The following SLC6A15 variants were observed in gnomAD, a reference collection of about 807,000 sequenced individuals.
SLC6A15 encodes solute carrier family 6 member 15, also known as sodium-dependent neutral amino acid transporter B(0)AT2.
SLC6A15 carries 33 observed loss-of-function variants against 68.5 expected under a neutral mutation model. The ratio of observed to expected loss-of-function variants is 0.48; its 90% CI spans 0.37 to 0.64. The LOEUF (loss-of-function observed/expected upper bound fraction) is 0.64. SLC6A15 is among the 30% of genes least tolerant of loss of function. The pLI, the probability that SLC6A15 is intolerant of heterozygous loss-of-function variation, is 0.00. For missense variants in SLC6A15, 747 were observed against 874.3 expected (o/e 0.85, Z 1.84); for synonymous variants, 347 against 301.0 (o/e 1.15, Z -1.58).
At chr12:84,907,047 G>A (rs1010058002) in intron 1 of SLC6A15, among the ~76,000 whole-genome samples, 5 of 151,958 alleles carry the variant, frequency 3.3e-5, no homozygotes, top group African/African-American at 1.2e-4. Context: ...GATATATAAA[G>A]AACTCTTAAA....
At chr12:84,898,357 C>CA (rs1366143342) in intron 1 of SLC6A15, among the ~76,000 whole-genome samples, 1 of 151,934 alleles carries the variant, frequency 6.6e-6, no homozygotes, top group Non-Finnish European at 1.5e-5. Context: ...AACAAACAAA[C>CA]AAAAAACAAC....
chr12:84,893,446 G>C (rs188491633), intron 1 of SLC6A15, among the ~76,000 whole-genome samples: 1 of 151,244 alleles, frequency 6.6e-6, no homozygotes, highest in Non-Finnish European at 1.5e-5. Flanking sequence ...TGTATGTTAC[G>C]TCTCCTATCC....
chr12:84,863,380 C>T (rs1870931340), intron 11 of SLC6A15, 59 bp downstream of exon 11: 4 of 1,294,198 alleles, frequency 3.1e-6, no homozygotes, highest in Non-Finnish European at 4.2e-6. Flanking sequence ...AAGAAAAAGC[C>T]CTCTAAAAAA....
At position 84,870,466 on chromosome 12, in the gene SLC6A15, C is replaced by T; in HGVS notation, c.1495+12G>A. On this transcript the variant is annotated intron_variant, in intron 9 of 11. Transcript: ENST00000266682. ...GATTTGTTCAATGAAAAGTCAAATA[C>T]AAAAAACTCACCAGTAAGAATTTCT... 1 of 1,515,120 alleles carries T rather than the reference C, an allele frequency of 6.6e-7. No individual in the cohort carries two copies. The highest frequency in any genetic ancestry group is 8.8e-7 in the Non-Finnish European group (1 of 1,130,790). The allele number at this position is 1,515,120 out of a possible 1,614,324, so 93.9% of individuals were successfully genotyped here.
rs1241561350 is a variant in SLC6A15 at position 84,860,755 on chromosome 12, A to G, written c.*877T>C. Reference sequence around the variant, plus strand: ...TGCATAAAACAGAAGCAAAACAGAAATATATTAATTAAAATGCCATCTTGC... The same window carrying G: ...TGCATAAAACAGAAGCAAAACAGAAGTATATTAATTAAAATGCCATCTTGC... On this transcript the variant is annotated 3_prime_UTR_variant, in exon 12 of 12. Coordinates refer to ENST00000266682, the MANE Select transcript of SLC6A15 (RefSeq NM_182767.6). 2 of 152,180 alleles carry G rather than the reference A, an allele frequency of 1.3e-5. No individual in the cohort carries two copies. The highest frequency in any genetic ancestry group is 2.9e-5 in the Non-Finnish European group (2 of 68,004). 9.4% of individuals were successfully genotyped at this position (152,180 alleles called of 1,614,324 possible). A position where few individuals can be genotyped will look rare whatever the true frequency, so the allele number is the denominator to read the frequency against.
At chr12:84,870,786 T>C (rs1871255505) in intron 8 of SLC6A15, 116 bp from the exon 9 acceptor site, 5 of 580,358 alleles carry the variant, frequency 8.6e-6, no homozygotes, top group Admixed American at 3.6e-5. Flanking sequence ...CTGCTGGAAA[T>C]AGACATGCTC....
At position 84,900,281 on chromosome 12, in the gene SLC6A15, A is replaced by C. The variant is rs572471583; in HGVS notation, c.-188-7973T>G. On this transcript the variant is annotated intron_variant, in intron 1 of 11. Transcript: ENST00000266682. ...TCTTAGGTTTCAATTATATTTTGCT[A>C]GTATATGCAATATAACTGATTTTTA... 4.3e-4 allele frequency among the ~76,000 whole-genome samples: 66 copies of C among 152,146 alleles called. 1 individual carries two copies. In the Middle Eastern group the frequency reaches 0.014, roughly 31 times the overall value.
At chr12:84,911,675 C>G (rs1046809503) in intron 1 of SLC6A15, among the ~76,000 whole-genome samples, 1 of 152,130 alleles carries the variant, frequency 6.6e-6, no homozygotes, top group African/African-American at 2.4e-5. Context: ...CCAGTTGGTG[C>G]GCTACGTTAG....
Position 84,863,544 on chromosome 12 carries a change from A to G in SLC6A15, c.1713T>C (p.Tyr571=), listed in dbSNP as rs753219286. Residue 571 remains tyrosine, a synonymous_variant, in exon 11 of 12, where the codon TAT becomes TAC. Coordinates refer to ENST00000266682, the MANE Select transcript of SLC6A15 (RefSeq NM_182767.6). Reference sequence around the variant, plus strand: ...TTAGAGGAGAAATATATTTCCACATATAGTAGTAATATCTGCTGGGAGCAA... The same window carrying G: ...TTAGAGGAGAAATATATTTCCACATGTAGTAGTAATATCTGCTGGGAGCAA... ...LGFAPSRYYY[Y]MWKYISPLML... 1 of 1,592,422 alleles carries G rather than the reference A, an allele frequency of 6.3e-7. No individual in the cohort carries two copies. Among genetic ancestry groups the G allele is most frequent in the Admixed American group, 1.8e-5 (1 of 54,782 alleles).
chr12:84,875,498 C>A (rs747919329), intron 6 of SLC6A15, among the ~76,000 whole-genome samples: 100 of 151,718 alleles, frequency 6.6e-4, no homozygotes, highest in South Asian at 1.5e-3. Flanking sequence ...AAGCTAATCC[C>A]TTATGCCCAA....
intron 2 of SLC6A15, among the ~76,000 whole-genome samples, chr12:84,886,391 G>A (rs1356447835): frequency 1.3e-5 from 2 of 151,760 alleles, no homozygotes; most frequent in African/African-American, 4.8e-5. Context: ...CTTTTCTGGG[G>A]CAGGTTTCAC....
At chr12:84,881,840 T>G in intron 5 of SLC6A15, 1 of 984,562 alleles carries the variant, frequency 1.0e-6, no homozygotes, top group Non-Finnish European at 1.2e-6. Flanking sequence ...ACTCATTGTT[T>G]CAGATTGAGG....
intron 6 of SLC6A15, among the ~76,000 whole-genome samples, chr12:84,875,478 A>G (rs1184302915): frequency 6.6e-6 from 1 of 151,664 alleles, no homozygotes; most frequent in Non-Finnish European, 1.5e-5. Flanking sequence ...AGTGACAAAG[A>G]ATTCCAGAGA....
intron 5 of SLC6A15, among the ~76,000 whole-genome samples, chr12:84,876,869 T>A (rs112476432): frequency 1.4e-4 from 22 of 152,320 alleles, no homozygotes; most frequent in African/African-American, 4.6e-4. Context: ...GCTTCAATAG[T>A]GTTGATTCCT....
In SLC6A15 at chr12:84,892,059, T is replaced by C. The variant is rs1555182162; in HGVS notation, c.62A>G (p.Lys21Arg). The C allele has an allele frequency of 6.2e-7, 1 of 1,614,020 alleles. No homozygotes were observed. Among genetic ancestry groups the C allele is most frequent in the South Asian group, 1.1e-5 (1 of 91,078 alleles). The change falls in exon 2 of 12, where the codon AAA becomes AGA. Residue 21 changes from lysine (K) to arginine (R), a missense_variant. Transcript: ENST00000266682. Reference protein sequence around the residue: ...ELDDDVTESVKDLLSNEDAAD... With the variant: ...ELDDDVTESVRDLLSNEDAAD... ...TGCGTCTTCATTGGAAAGAAGGTCT[T>C]TGACAGACTCAGTAACATCATCATC...
intron 1 of SLC6A15, among the ~76,000 whole-genome samples, chr12:84,900,980 GT>G (rs1872845505): frequency 7.2e-6 from 1 of 139,224 alleles, no homozygotes; most frequent in Non-Finnish European, 1.5e-5. Context: ...ATATATACAT[GT>G]ATATATGTGT....
chr12:84,860,452 A>C lies in SLC6A15; in HGVS notation c.*1180T>G, dbSNP rs1870798590. The stretch of plus-strand genomic sequence containing the variant: ...TGTAAGTACTTTTTCAAGAATCATA[A>C]GACTACATAAGAACACCATTGAACC... On this transcript the variant is annotated 3_prime_UTR_variant, in exon 12 of 12. Transcript: ENST00000266682. 6.6e-6 allele frequency: 1 copy of C among 152,136 alleles called. No individual in the cohort carries two copies. Among genetic ancestry groups the C allele is most frequent in the Non-Finnish European group, 1.5e-5 (1 of 67,968 alleles). 9.4% of individuals were successfully genotyped at this position (152,136 alleles called of 1,614,324 possible). A position where few individuals can be genotyped will look rare whatever the true frequency, so the allele number is the denominator to read the frequency against.
chr12:84,882,673 A>C (rs1371665689), intron 5 of SLC6A15: 1 of 177,688 alleles, frequency 5.6e-6, no homozygotes, highest in African/African-American at 2.4e-5. Context: ...TCCAAATACT[A>C]GAACTTAATA....
chr12:84,865,077 G>C (rs548824784), intron 10 of SLC6A15, among the ~76,000 whole-genome samples: 1 of 152,268 alleles, frequency 6.6e-6, no homozygotes, highest in Admixed American at 6.5e-5. Context: ...TTTATTTACA[G>C]ATCAGTCCAA....
Sources: gnomAD v4.1 joint callset for allele counts (sites outside exome capture counted in the v4.1 genomes callset) on GRCh38, gnomAD v4.1.1 for gene constraint, MANE v1.5 for transcripts, NCBI Gene and HGNC (gene_info 2026-07-23, HGNC 2026-07-21) for gene names.